AFF4: variants seen among roughly 807,000 people sequenced by gnomAD.
AFF4 encodes the protein AF4/FMR2 family member 4.
A neutral mutation model predicts 124.8 loss-of-function variants in AFF4; 13 were observed. That is an observed-to-expected ratio of 0.10 (90% confidence interval 0.07 to 0.17). The LOEUF (loss-of-function observed/expected upper bound fraction) is 0.17. AFF4 is among the 10% of genes least tolerant of loss of function. The pLI is 1.00. For synonymous variants in AFF4, 477 were observed against 496.1 expected, an observed-to-expected ratio of 0.96 and a Z score of 0.51; for missense variants, 1,092 against 1,403.8, an observed-to-expected ratio of 0.78 and a Z score of 3.55.
At position 132,878,926 on chromosome 5, in the gene AFF4, A is replaced by G. The variant is rs896074523; in HGVS notation, c.*2133T>C. The G allele has an allele frequency of 4.5e-6, 1 of 221,850 alleles. No individual in the cohort carries two copies. The highest frequency in any genetic ancestry group is 2.2e-5 in the African/African-American group (1 of 44,770). The allele number at this position is 221,850 out of a possible 1,614,324, so 13.7% of individuals were successfully genotyped here. On this transcript the variant is annotated 3_prime_UTR_variant, in exon 21 of 21. Transcript: ENST00000265343. ...TTCCATTTCTAAGACATCACTGCAA[A>G]TTAAGGAATCCAAGTCAGAAAAATC...
intron 17 of AFF4, among the ~76,000 whole-genome samples, 193 bp downstream of exon 17, chr5:132,887,328 T>C (rs377748009): frequency 3.9e-5 from 6 of 152,316 alleles, no homozygotes; most frequent in African/African-American, 1.4e-4. Context: ...AAGAGGGAAA[T>C]GGATCAGAGA....
intron 18 of AFF4, 77 bp from the exon 19 acceptor site, chr5:132,885,196 C>A: frequency 8.5e-7 from 1 of 1,170,028 alleles, no homozygotes; most frequent in Admixed American, 2.3e-5. Context: ...TATTTAAAAG[C>A]TTTGGGCAAG....
At chr5:132,924,709 G>C (rs1156234013) in intron 5 of AFF4, among the ~76,000 whole-genome samples, 1 of 151,436 alleles carries the variant, frequency 6.6e-6, no homozygotes, top group African/African-American at 2.4e-5. Context: ...CAAAAAATTA[G>C]CCAGGCGTGG....
At chr5:132,889,333 T>G (rs1207049132) in intron 13 of AFF4, among the ~76,000 whole-genome samples, 160 bp from the exon 14 acceptor site, 2 of 151,348 alleles carry the variant, frequency 1.3e-5, no homozygotes, top group Non-Finnish European at 2.9e-5. Flanking sequence ...TAATGTAAAC[T>G]TTAAAAAAAA....
chr5:132,880,169 C>T lies in AFF4; in HGVS notation c.*890G>A, dbSNP rs548737178. ...TTTTCCACAGTAACTTATTCTGTTT[C>T]GATTAAGTGTCAAATGATTAGCAAC... On this transcript the variant is annotated 3_prime_UTR_variant, in exon 21 of 21. Coordinates refer to ENST00000265343, the MANE Select transcript of AFF4 (RefSeq NM_014423.4). The T allele has an allele frequency of 2.0e-5, 8 of 398,758 alleles. No homozygotes were observed. The South Asian group carries it at 6.4e-4, about 32-fold the overall frequency. The allele number at this position is 398,758 out of a possible 1,614,324, so 24.7% of individuals were successfully genotyped here.
At chr5:132,882,236 G>A (rs1180420582) in intron 20 of AFF4, among the ~76,000 whole-genome samples, 1 of 151,550 alleles carries the variant, frequency 6.6e-6, no homozygotes, top group East Asian at 1.9e-4. Context: ...AAAAAAGTTG[G>A]GATTCCACTT....
Position 132,896,548 on chromosome 5 carries a change from A to G in AFF4, c.2082T>C (p.Ser694=), listed in dbSNP as rs1436190717. ...EDSFFRQRMF[S]PMEEKELLSP... is the part of the protein sequence containing the mutation. ...AAAGAAGTTCCTTCTCTTCCATAGG[A>G]GAGAACATTCGTTGCCGAAAAAAGC... The change falls in exon 11 of 21, where the codon TCT becomes TCC. Residue 694 remains serine, a synonymous_variant. Transcript: ENST00000265343. 6.2e-7 allele frequency: 1 copy of G among 1,614,072 alleles called. No individual in the cohort carries two copies. The highest frequency in any genetic ancestry group is 8.5e-7 in the Non-Finnish European group (1 of 1,180,024).
At chr5:132,933,241 T>C (rs1761341844) in intron 3 of AFF4, among the ~76,000 whole-genome samples, 2 of 151,570 alleles carry the variant, frequency 1.3e-5, no homozygotes, top group South Asian at 2.1e-4. Flanking sequence ...CTACTAAAAA[T>C]ACAAAATTAG....
rs1001651587 is a variant in AFF4, at chr5:132,878,533, G to A, written c.*2526C>T. The A allele has an allele frequency of 4.3e-6, 1 of 232,084 alleles. No homozygotes were observed. Among genetic ancestry groups the A allele is most frequent in the African/African-American group, 2.2e-5 (1 of 45,244 alleles). 14.4% of individuals were successfully genotyped at this position (232,084 alleles called of 1,614,324 possible). On this transcript the variant is annotated 3_prime_UTR_variant, in exon 21 of 21. Transcript: ENST00000265343. ...CAAAGTATGTGCTGGAGCAGATGAT[G>A]ACAAAGACAGAACATCTAAGAAGAT... is the stretch of plus-strand genomic sequence containing the variant.
intron 20 of AFF4, 48 bp from the exon 21 acceptor site, chr5:132,881,234 A>G (rs1197067684): frequency 6.3e-7 from 1 of 1,588,372 alleles, no homozygotes; most frequent in Admixed American, 1.8e-5. Flanking sequence ...CTTTTGAATC[A>G]CTGCTTTAAA....
rs1581318637 is a variant in AFF4 at position 132,934,687 on chromosome 5, G to A, written c.378C>T (p.Gly126=). ...STSQSQKRSS[G]LQSGHSSQRT... ...GCTGGCTACTATGTCCACTCTGTAA[G>A]CCTGAGGACCGTTTCTGAGACTGAG... is the stretch of plus-strand genomic sequence containing the variant. Residue 126 remains glycine, a synonymous_variant, in exon 3 of 21, where the codon GGC becomes GGT. Coordinates refer to ENST00000265343, the MANE Select transcript of AFF4 (RefSeq NM_014423.4). 6.2e-7 allele frequency: 1 copy of A among 1,614,114 alleles called. No individual in the cohort carries two copies. The highest frequency in any genetic ancestry group is 2.2e-5 in the East Asian group (1 of 44,868).
At chr5:132,907,587 T>C (rs1198038245) in intron 5 of AFF4, among the ~76,000 whole-genome samples, 1 of 152,154 alleles carries the variant, frequency 6.6e-6, no homozygotes, top group Non-Finnish European at 1.5e-5. Flanking sequence ...TAATTGTGCA[T>C]GCATGTGTAC....
chr5:132,947,254 T>G (rs868246953), intron 1 of AFF4, among the ~76,000 whole-genome samples: 2 of 151,564 alleles, frequency 1.3e-5, no homozygotes, highest in Non-Finnish European at 2.9e-5. Context: ...ACTACAAAAA[T>G]TAGCCGGGTG....
At chr5:132,881,521 A>G (rs748028418) in intron 20 of AFF4, among the ~76,000 whole-genome samples, 4 of 152,254 alleles carry the variant, frequency 2.6e-5, no homozygotes, top group Non-Finnish European at 4.4e-5. Flanking sequence ...TGATTACTCA[A>G]AACATTTTGT....
At chr5:132,890,035 T>C (rs1157877584) in intron 13 of AFF4, among the ~76,000 whole-genome samples, 4 of 152,034 alleles carry the variant, frequency 2.6e-5, no homozygotes, top group African/African-American at 7.2e-5. Context: ...AAAACGAATA[T>C]ACATTTTTCC....
intron 16 of AFF4, 98 bp downstream of exon 16, chr5:132,887,748 A>T (rs1208448100): frequency 3.9e-6 from 6 of 1,538,244 alleles, no homozygotes; most frequent in African/African-American, 1.4e-5. Flanking sequence ...ACATTAAAGG[A>T]TTATACACCC....
At position 132,885,249 on chromosome 5, in the gene AFF4, CGTGTGT is replaced by C. The variant is rs3835017; in HGVS notation, c.3100-136_3100-131del. 220,901 of 359,520 alleles carry C rather than the reference CGTGTGT, an allele frequency of 0.61. 64,510 individuals are homozygous for C. Among genetic ancestry groups the C allele is most frequent in the South Asian group, 0.74 (13,265 of 17,938 alleles). 22.3% of individuals were successfully genotyped at this position (359,520 alleles called of 1,614,324 possible). On this transcript the variant is annotated intron_variant, in intron 18 of 20. Coordinates refer to ENST00000265343, the MANE Select transcript of AFF4 (RefSeq NM_014423.4). ...TGTAAATATTTAAGACACCAAAATA[CGTGTGT>C]GTGTGTGTGTGTGTGTGTGTGTAAA...
rs752670107 is a variant in AFF4 at position 132,896,370 on chromosome 5, T to C, written c.2260A>G (p.Lys754Glu). Residue 754 changes from lysine (K) to glutamate (E), a missense_variant, in exon 11 of 21, where the codon AAA (lysine) becomes GAA (glutamate). Lys to Glu is a moderately conservative substitution (Grantham distance 56). Coordinates refer to ENST00000265343, the MANE Select transcript of AFF4 (RefSeq NM_014423.4). ...VPEKHTREAQKQASEKVSNKG... is the reference protein window; with the variant it reads ...VPEKHTREAQEQASEKVSNKG... The stretch of plus-strand genomic sequence containing the variant: ...TTGGAAACTTTTTCTGAGGCTTGTT[T>C]CTGAGCCTCTCTCGTGTGCTTTTCT... The C allele has an allele frequency of 1.9e-6, 3 of 1,607,858 alleles. No individual in the cohort carries two copies. The highest frequency in any genetic ancestry group is 2.5e-6 in the Non-Finnish European group (3 of 1,178,522).
chr5:132,957,045 A>C (rs1347874468), intron 1 of AFF4, among the ~76,000 whole-genome samples: 4 of 141,576 alleles, frequency 2.8e-5, no homozygotes, highest in Non-Finnish European at 4.7e-5. Flanking sequence ...AAAAAAAAAA[A>C]AAAACAGAAA....
Sources: gnomAD v4.1 joint callset for allele counts (sites outside exome capture counted in the v4.1 genomes callset) on GRCh38, gnomAD v4.1.1 for gene constraint, MANE v1.5 for transcripts, NCBI Gene and HGNC (gene_info 2026-07-23, HGNC 2026-07-21) for gene names.